KRABD3: variants seen among roughly 807,000 people sequenced by gnomAD.
KRABD3 encodes the protein KRAB domain containing 3, also known as KRAB domain-containing protein 3.
chr7:149,721,106 C>T, the KRABD3 span: 3 of 1,362,370 alleles, frequency 2.2e-6, no homozygotes, highest in African/African-American at 1.4e-5. Flanking sequence ...GAGGCAGAGT[C>T]ACCTGCTGTT....
chr7:149,729,457 G>C, the KRABD3 span: 3 of 1,290,506 alleles, frequency 2.3e-6, no homozygotes, highest in Non-Finnish European at 3.0e-6. Context: ...CTGTCCCTCT[G>C]TTTCTTCCCC....
chr7:149,719,543 C>T, the KRABD3 span: 1 of 1,572,190 alleles, frequency 6.4e-7, no homozygotes, highest in Non-Finnish European at 8.6e-7. This position sits in a 1 kb window ranked among gnomAD's most constrained non-coding sequence, Gnocchi z 5.6. Context: ...ACTGTGCCTG[C>T]AGGTGTCCAT....
the KRABD3 span, among the ~76,000 whole-genome samples, chr7:149,732,452 C>T: frequency 2.3e-4 from 35 of 152,288 alleles, no homozygotes; most frequent in African/African-American, 7.9e-4. The surrounding 1 kb of genome is among the most constrained non-coding windows in gnomAD (Gnocchi z 4.0). Flanking sequence ...AGGGCAGAGC[C>T]ACAGCTGGGG....
the KRABD3 span, chr7:149,728,620 A>G: frequency 9.3e-6 from 15 of 1,613,618 alleles, no homozygotes; most frequent in Non-Finnish European, 1.2e-5. Flanking sequence ...GCTCCTCAGC[A>G]GCAGACAGGG....
the KRABD3 span, chr7:149,729,849 C>A: frequency 2.6e-4 from 258 of 985,396 alleles, 1 homozygote; most frequent in African/African-American, 4.0e-3. Flanking sequence ...TGGGAGAAGC[C>A]GCCTGGCCTG....
chr7:149,733,866 T>G, the KRABD3 span: 13 of 1,594,164 alleles, frequency 8.2e-6, no homozygotes, highest in East Asian at 2.8e-4. Flanking sequence ...GCCTTACCCC[T>G]GCAGGGAGCC....
the KRABD3 span, chr7:149,723,911 G>A: frequency 6.2e-7 from 1 of 1,610,680 alleles, no homozygotes. Flanking sequence ...TCGCTGGGCT[G>A]GGAGGGCCCC....
the KRABD3 span, chr7:149,729,150 G>A: frequency 2.9e-3 from 4,092 of 1,435,304 alleles, 87 homozygotes; most frequent in African/African-American, 0.043. Flanking sequence ...ACGAGGCCCC[G>A]TGGGGCTGAC....
the KRABD3 span, chr7:149,733,266 C>G: frequency 3.7e-6 from 6 of 1,612,380 alleles, no homozygotes; most frequent in Non-Finnish European, 5.1e-6. Context: ...GAGTCTCCCC[C>G]TCCGGAGCTG....
the KRABD3 span, chr7:149,722,842 G>C: frequency 6.2e-7 from 1 of 1,613,278 alleles, no homozygotes; most frequent in South Asian, 1.1e-5. Context: ...GGAAATCCTT[G>C]TGCCTGGGCC....
chr7:149,725,371 C>T, the KRABD3 span: 6 of 1,607,138 alleles, frequency 3.7e-6, no homozygotes, highest in South Asian at 1.1e-5. Context: ...GAAGGGCATT[C>T]CCCCAAATGG....
chr7:149,720,695 C>CA, the KRABD3 span: 1 of 906,120 alleles, frequency 1.1e-6, no homozygotes. Flanking sequence ...CTCTATATCT[C>CA]ATGGGACATG....
the KRABD3 span, chr7:149,731,628 A>G: frequency 6.8e-7 from 1 of 1,460,594 alleles, no homozygotes; most frequent in Non-Finnish European, 9.5e-7. Flanking sequence ...GCTCTGGCCA[A>G]ACGATCGTCT....
the KRABD3 span, chr7:149,719,502 C>G: frequency 6.5e-7 from 1 of 1,528,932 alleles, no homozygotes; most frequent in Non-Finnish European, 8.8e-7. This position sits in a 1 kb window ranked among gnomAD's most constrained non-coding sequence, Gnocchi z 5.6. Context: ...AGGCTGTCCC[C>G]TCTGGGATGG....
the KRABD3 span, chr7:149,731,854 G>T: frequency 9.4e-7 from 1 of 1,068,424 alleles, no homozygotes; most frequent in Admixed American, 2.1e-5. Context: ...AGCCTTCCAG[G>T]GTCAGTGTTT....
chr7:149,730,178 C>T, the KRABD3 span: 8 of 1,568,330 alleles, frequency 5.1e-6, no homozygotes, highest in Admixed American at 1.3e-4. Flanking sequence ...CGCTGCACTG[C>T]CTGGAGAGCG....
At chr7:149,725,917 G>A in the KRABD3 span, 1 of 1,596,766 alleles carries the variant, frequency 6.3e-7, no homozygotes, top group Non-Finnish European at 8.5e-7. Flanking sequence ...CTGCCTCTGG[G>A]TCTGCAGAGC....
the KRABD3 span, chr7:149,733,633 G>A: frequency 6.3e-7 from 1 of 1,591,090 alleles, no homozygotes; most frequent in Non-Finnish European, 8.6e-7. Flanking sequence ...GCCAGGGAGA[G>A]AGCTGCAGGG....
the KRABD3 span, chr7:149,733,885 T>C: frequency 6.3e-7 from 1 of 1,589,854 alleles, no homozygotes; most frequent in East Asian, 2.3e-5. Context: ...CCTCTCCTCC[T>C]GCAGCCAGTG....
Sources: gnomAD v4.1 joint callset for allele counts (sites outside exome capture counted in the v4.1 genomes callset) on GRCh38, gnomAD v4.1.1 for gene constraint, Gnocchi (gnomAD v3.1) non-coding constraint, MANE v1.5 for transcripts, NCBI Gene and HGNC (gene_info 2026-07-23, HGNC 2026-07-21) for gene names.